ANGPT2: variants seen among roughly 807,000 people sequenced by gnomAD.
ANGPT2 encodes angiopoietin 2, also known as angiopoietin-2.
ANGPT2 carries 28 observed loss-of-function variants against 62.9 expected under a neutral mutation model. The observed-to-expected ratio is 0.44, with a 90% CI of 0.33 to 0.61. ANGPT2 has a LOEUF of 0.61. Ranked by LOEUF, ANGPT2 falls within the 20% of genes least tolerant of loss-of-function variation. The probability of loss-of-function intolerance (pLI) is 0.03; values close to 1 mark genes in which losing one functional copy is unlikely to be tolerated. For missense variants in ANGPT2, 727 were observed against 594.9 expected (o/e 1.22, Z -2.31); for synonymous variants, 284 against 207.8 (o/e 1.37, Z -3.15).
At chr8:6,556,592 C>A (rs899055277) in intron 1 of ANGPT2, among the ~76,000 whole-genome samples, 8 of 151,900 alleles carry the variant, frequency 5.3e-5, no homozygotes, top group Non-Finnish European at 1.2e-4. Context: ...CCCCCTGGGG[C>A]AAGACTCTTG....
chr8:6,507,338 G>C (rs1030827293), intron 8 of ANGPT2, among the ~76,000 whole-genome samples: 2 of 152,164 alleles, frequency 1.3e-5, no homozygotes, highest in Admixed American at 6.5e-5. Flanking sequence ...AATTTTTGCA[G>C]ATATGATTTA....
chr8:6,560,794 T>G (rs1265065535), intron 1 of ANGPT2, among the ~76,000 whole-genome samples: 2 of 152,190 alleles, frequency 1.3e-5, no homozygotes, highest in Non-Finnish European at 2.9e-5. Flanking sequence ...AGAGAAGGGG[T>G]AGTTTACCTA....
intron 5 of ANGPT2, among the ~76,000 whole-genome samples, chr8:6,517,853 A>T (rs963066084): frequency 2.0e-5 from 3 of 152,212 alleles, no homozygotes; most frequent in African/African-American, 7.2e-5. Context: ...ACAGAGTCTT[A>T]AGTCTGGAAG....
At chr8:6,523,377 A>T (rs141512173) in intron 3 of ANGPT2, among the ~76,000 whole-genome samples, 1,582 of 152,300 alleles carry the variant, frequency 0.01, 12 homozygotes, top group Non-Finnish European at 0.018. Flanking sequence ...ATGGTTATAT[A>T]GTTTGCCTTC....
chr8:6,506,427 G>T (rs905851244), intron 8 of ANGPT2, among the ~76,000 whole-genome samples: 2 of 152,018 alleles, frequency 1.3e-5, no homozygotes, highest in African/African-American at 4.8e-5. Flanking sequence ...ATCTTGATTT[G>T]CCTAAGTAAA....
intron 1 of ANGPT2, among the ~76,000 whole-genome samples, chr8:6,546,290 C>T (rs1427398026): frequency 6.6e-6 from 1 of 152,206 alleles, no homozygotes. Context: ...TGACTGTCAG[C>T]CACTGGAAGA....
At chr8:6,537,669 G>T (rs1432892847) in intron 1 of ANGPT2, among the ~76,000 whole-genome samples, 1 of 151,964 alleles carries the variant, frequency 6.6e-6, no homozygotes, top group South Asian at 2.1e-4. Flanking sequence ...AGGTCCATTT[G>T]TGAGGCAACT....
At position 6,555,048 on chromosome 8, in the gene ANGPT2, T is replaced by A. The variant is rs573301734; in HGVS notation, c.288+7599A>T. Among the ~76,000 whole-genome samples the A allele has an allele frequency of 3.9e-5, 6 of 152,262 alleles. No individual in the cohort carries two copies. The South Asian group carries it at 1.2e-3, about 32-fold the overall frequency. On this transcript the variant is annotated intron_variant, in intron 1 of 8. Coordinates refer to ENST00000629816, the MANE Select transcript of ANGPT2 (RefSeq NM_001118887.2). ...CTTCCCCTTTTTTTTAAACCACACATAAAACAGTCATTTTAATTCCAACAA... is the reference window on the plus strand; with the variant it reads ...CTTCCCCTTTTTTTTAAACCACACAAAAAACAGTCATTTTAATTCCAACAA...
chr8:6,540,201 AAT>A (rs769113155), intron 1 of ANGPT2, among the ~76,000 whole-genome samples: 7 of 152,234 alleles, frequency 4.6e-5, no homozygotes, highest in Non-Finnish European at 7.4e-5. Flanking sequence ...CATATATTTG[AAT>A]ATATGTTTTT....
At position 6,502,071 on chromosome 8, in the gene ANGPT2, T is replaced by A. The variant is rs1477580914; in HGVS notation, c.*1030A>T. On this transcript the variant is annotated 3_prime_UTR_variant, in exon 9 of 9. Transcript: ENST00000629816. ...ATAGAAGGCTTTTCTCAACCAGAAA[T>A]TAAATTGTAGTCTAGTTCTATAAAA... 6.6e-6 allele frequency: 1 copy of A among 152,072 alleles called. No homozygotes were observed. The highest frequency in any genetic ancestry group is 1.5e-5 in the Non-Finnish European group (1 of 68,018). 9.4% of individuals were successfully genotyped at this position (152,072 alleles called of 1,614,324 possible).
intron 1 of ANGPT2, among the ~76,000 whole-genome samples, chr8:6,539,056 C>T (rs546547868): frequency 6.6e-6 from 1 of 151,888 alleles, no homozygotes; most frequent in African/African-American, 2.4e-5. Flanking sequence ...TGTGTTTATT[C>T]TGGAGATTTT....
chr8:6,532,297 C>T (rs376215741), intron 2 of ANGPT2, 35 bp downstream of exon 2: 1 of 1,613,440 alleles, frequency 6.2e-7, no homozygotes. Flanking sequence ...TCTCTAGCTG[C>T]AGGGACACCG....
At chr8:6,541,659 T>C (rs1469475224) in intron 1 of ANGPT2, among the ~76,000 whole-genome samples, 1 of 152,224 alleles carries the variant, frequency 6.6e-6, no homozygotes, top group Non-Finnish European at 1.5e-5. Context: ...GTAGTGATGT[T>C]TTCCCTACAG....
intron 3 of ANGPT2, among the ~76,000 whole-genome samples, chr8:6,524,178 A>G (rs553905045): frequency 6.6e-6 from 1 of 152,324 alleles, no homozygotes; most frequent in Non-Finnish European, 1.5e-5. Context: ...TTTGTTTTAA[A>G]GGAAGGGGAC....
intron 1 of ANGPT2, among the ~76,000 whole-genome samples, chr8:6,539,042 TGTG>T (rs1821022447): frequency 6.6e-6 from 1 of 152,092 alleles, no homozygotes; most frequent in Admixed American, 6.5e-5. Context: ...TGTGTGTGTG[TGTG>T]TGTGTTTATT....
intron 1 of ANGPT2, among the ~76,000 whole-genome samples, chr8:6,541,741 C>T (rs1821616217): frequency 6.6e-6 from 1 of 152,180 alleles, no homozygotes; most frequent in South Asian, 2.1e-4. Context: ...TAGTGGCTCA[C>T]TCCTGTAATC....
intron 8 of ANGPT2, among the ~76,000 whole-genome samples, chr8:6,504,794 A>G (rs1812948444): frequency 6.6e-6 from 1 of 152,216 alleles, no homozygotes; most frequent in South Asian, 2.1e-4. Flanking sequence ...ACTAGTTTAC[A>G]AACTAAACTT....
intron 2 of ANGPT2, among the ~76,000 whole-genome samples, chr8:6,528,762 C>T (rs1273355638): frequency 6.6e-6 from 1 of 152,176 alleles, no homozygotes; most frequent in Non-Finnish European, 1.5e-5. Context: ...GCCAAGGAAC[C>T]GGAGACCTTG....
chr8:6,542,298 GTGTGTGTGTGTGTATC>G (rs1164510237), intron 1 of ANGPT2, among the ~76,000 whole-genome samples: 1 of 152,062 alleles, frequency 6.6e-6, no homozygotes, highest in Admixed American at 6.5e-5. Flanking sequence ...AGGGGTGTGT[GTGTGTGTGTGTGTATC>G]TGTGTGTGTG....
Sources: allele counts gnomAD v4.1 joint callset (sites outside exome capture counted in the v4.1 genomes callset), GRCh38; gene constraint gnomAD v4.1.1; transcripts MANE v1.5; gene names NCBI Gene and HGNC (gene_info 2026-07-23, HGNC 2026-07-21).